CBLN2: variants seen among roughly 807,000 people sequenced by gnomAD.
CBLN2 encodes the protein cerebellin 2 precursor.
A neutral mutation model predicts 15.0 loss-of-function variants in CBLN2; 7 were observed. That is an observed-to-expected ratio of 0.47 (90% CI 0.27 to 0.88). CBLN2 has a LOEUF of 0.88. Among genes scored for constraint, CBLN2 ranks in the 40% least tolerant of loss-of-function variants. CBLN2 has a pLI of 0.14. For missense variants in CBLN2, 242 were observed against 304.5 expected (o/e 0.79, Z 1.53); for synonymous variants, 149 against 135.2 (o/e 1.10, Z -0.71).
At chr18:72,589,788 G>A (rs550472511) in intron 1 of CBLN2, among the ~76,000 whole-genome samples, 1 of 152,324 alleles carries the variant, frequency 6.6e-6, no homozygotes, top group Admixed American at 6.5e-5. Flanking sequence ...ACCTGCCACA[G>A]TGAGGGCCAC....
chr18:72,553,800 A>T (rs1376065837), intron 1 of CBLN2, among the ~76,000 whole-genome samples: 1 of 152,220 alleles, frequency 6.6e-6, no homozygotes, highest in African/African-American at 2.4e-5. Flanking sequence ...AGCTGAAAAC[A>T]TTATAGAGTG....
chr18:72,628,733 A>G (rs1477898467), intron 1 of CBLN2, among the ~76,000 whole-genome samples: 2 of 152,208 alleles, frequency 1.3e-5, no homozygotes, highest in African/African-American at 4.8e-5. Context: ...TTTATGGACA[A>G]ATGTTTGATT....
intron 1 of CBLN2, among the ~76,000 whole-genome samples, chr18:72,568,077 C>T (rs1369756678): frequency 2.6e-5 from 4 of 152,088 alleles, no homozygotes; most frequent in Admixed American, 2.6e-4. Flanking sequence ...TATTTCGTTT[C>T]AGTACTCAGT....
At chr18:72,564,323 T>G (rs1438854050) in intron 1 of CBLN2, among the ~76,000 whole-genome samples, 1 of 152,094 alleles carries the variant, frequency 6.6e-6, no homozygotes, top group Non-Finnish European at 1.5e-5. Context: ...TAACTTATTA[T>G]TTCAATGAAA....
chr18:72,574,405 C>A (rs2069351607), intron 1 of CBLN2, among the ~76,000 whole-genome samples: 1 of 152,142 alleles, frequency 6.6e-6, no homozygotes, highest in African/African-American at 2.4e-5. Flanking sequence ...GGCAACTGTT[C>A]TGAAGACTTT....
chr18:72,615,868 GA>G (rs956226535), intron 1 of CBLN2, among the ~76,000 whole-genome samples: 1 of 152,144 alleles, frequency 6.6e-6, no homozygotes, highest in Admixed American at 6.5e-5. Flanking sequence ...GTTGTCTTCT[GA>G]AATGTGAGGT....
chr18:72,634,966 C>T (rs12605018), intron 1 of CBLN2, among the ~76,000 whole-genome samples: 8,942 of 152,024 alleles, frequency 0.059, 963 homozygotes, highest in East Asian at 0.48. Context: ...CAAAGACATG[C>T]TTCCTTCCTT....
upstream of CBLN2, among the ~76,000 whole-genome samples, chr18:72,544,864 TA>T (rs949506104): frequency 1.8e-4 from 28 of 151,408 alleles, no homozygotes; most frequent in Admixed American, 3.3e-4. Flanking sequence ...TATGCTGGTC[TA>T]AAAAACAATC....
At chr18:72,557,825 T>C (rs761221956) in intron 1 of CBLN2, among the ~76,000 whole-genome samples, 1 of 152,180 alleles carries the variant, frequency 6.6e-6, no homozygotes, top group Non-Finnish European at 1.5e-5. Context: ...AGTGAGGTGA[T>C]GGGTTGATAG....
chr18:72,600,910 T>C (rs2069543770), intron 1 of CBLN2, among the ~76,000 whole-genome samples: 1 of 152,102 alleles, frequency 6.6e-6, no homozygotes, highest in African/African-American at 2.4e-5. Context: ...GAGTCACAAG[T>C]CAGGGGTCCC....
At chr18:72,548,451 G>A (rs1378253196), upstream of CBLN2, among the ~76,000 whole-genome samples, 2 of 152,082 alleles carry the variant, frequency 1.3e-5, no homozygotes, top group Non-Finnish European at 2.9e-5. Flanking sequence ...AGATTCATAG[G>A]ACTATTTTGT....
At chr18:72,559,604 G>A (rs1307758121) in intron 1 of CBLN2, among the ~76,000 whole-genome samples, 2 of 152,176 alleles carry the variant, frequency 1.3e-5, no homozygotes, top group African/African-American at 4.8e-5. Context: ...GATCAATATG[G>A]GGTTGATTGT....
chr18:72,549,819 C>T (rs2069180761), intron 1 of CBLN2, among the ~76,000 whole-genome samples: 1 of 152,136 alleles, frequency 6.6e-6, no homozygotes, highest in Non-Finnish European at 1.5e-5. Context: ...TCAGGGGTTA[C>T]TCTGTAATTG....
intron 1 of CBLN2, among the ~76,000 whole-genome samples, chr18:72,615,180 T>A: frequency 1.5e-5 from 2 of 133,534 alleles, no homozygotes; most frequent in Non-Finnish European, 3.2e-5. Flanking sequence ...TATATATTTA[T>A]ATATTATATA....
intron 1 of CBLN2, among the ~76,000 whole-genome samples, chr18:72,624,269 C>T (rs1447747797): frequency 6.6e-6 from 1 of 151,978 alleles, no homozygotes; most frequent in African/African-American, 2.4e-5. Context: ...TACTCCAGAC[C>T]CATCTCCACC....
At chr18:72,568,396 G>A (rs1270931510) in intron 1 of CBLN2, among the ~76,000 whole-genome samples, 1 of 152,116 alleles carries the variant, frequency 6.6e-6, no homozygotes, top group East Asian at 1.9e-4. Flanking sequence ...TCTCTCAACT[G>A]TGCTTGCTGT....
At chr18:72,560,805 G>A (rs1203129851) in intron 1 of CBLN2, among the ~76,000 whole-genome samples, 4 of 152,028 alleles carry the variant, frequency 2.6e-5, no homozygotes, top group Non-Finnish European at 5.9e-5. Flanking sequence ...TCAGGAGATC[G>A]AGACCATCCT....
At chr18:72,541,015 T>A (rs535634091) in intron 3 of CBLN2, among the ~76,000 whole-genome samples, 1 of 152,308 alleles carries the variant, frequency 6.6e-6, no homozygotes, top group Non-Finnish European at 1.5e-5. Context: ...GGTCATAGCC[T>A]TTAACCCTGA....
chr18:72,552,840 A>G (rs1479608746), intron 1 of CBLN2, among the ~76,000 whole-genome samples: 3 of 152,306 alleles, frequency 2.0e-5, no homozygotes, highest in African/African-American at 7.2e-5. Flanking sequence ...TAATCATTTG[A>G]TTTTGACTTT....
Sources: allele counts gnomAD v4.1 joint callset (sites outside exome capture counted in the v4.1 genomes callset), GRCh38; gene constraint gnomAD v4.1.1; transcripts MANE v1.5; gene names NCBI Gene and HGNC (gene_info 2026-07-23, HGNC 2026-07-21).